Variants in PPARGC1A observed in about 807,000 individuals in gnomAD.
PPARGC1A encodes peroxisome proliferator-activated receptor gamma coactivator 1-alpha.
In PPARGC1A, 25 loss-of-function variants were observed where a neutral mutation model predicts 88.7. The observed-to-expected ratio is 0.28, with a 90% CI of 0.21 to 0.39. The LOEUF is 0.39. Ranked by LOEUF, PPARGC1A falls within the 10% of genes least tolerant of loss-of-function variation. The probability of loss-of-function intolerance (pLI) is 1.00; values close to 1 mark genes in which losing one functional copy is unlikely to be tolerated. For missense variants in PPARGC1A, 880 were observed against 968.7 expected (o/e 0.91, Z 1.22); for synonymous variants, 363 against 355.6 (o/e 1.02, Z -0.24).
intron 2 of PPARGC1A, among the ~76,000 whole-genome samples, chr4:23,844,405 ATAT>A (rs1727632669): frequency 7.9e-6 from 1 of 126,782 alleles, no homozygotes; most frequent in African/African-American, 3.0e-5. Flanking sequence ...ATTATTTATC[ATAT>A]AATAATATAT....
chr4:23,935,947 T>C, the PPARGC1A span, among the ~76,000 whole-genome samples: 1 of 152,154 alleles, frequency 6.6e-6, no homozygotes, highest in South Asian at 2.1e-4. Flanking sequence ...ATACATGTAT[T>C]TTTTTCAAGA....
At chr4:24,159,984 A>G in the PPARGC1A span, among the ~76,000 whole-genome samples, 1 of 152,210 alleles carries the variant, frequency 6.6e-6, no homozygotes, top group East Asian at 1.9e-4. Flanking sequence ...TGACTAGTGG[A>G]ACACTAACAA....
the PPARGC1A span, among the ~76,000 whole-genome samples, chr4:24,217,865 A>G: frequency 6.6e-6 from 1 of 152,174 alleles, no homozygotes; most frequent in African/African-American, 2.4e-5. Flanking sequence ...ATATCAGAAT[A>G]TGGCAATTTA....
chr4:23,925,722 A>G, the PPARGC1A span, among the ~76,000 whole-genome samples: 2 of 152,240 alleles, frequency 1.3e-5, no homozygotes, highest in Admixed American at 6.5e-5. Context: ...GTGAGGAGGT[A>G]TAGCAGAATC....
At chr4:23,876,102 G>A (rs1296668654) in intron 2 of PPARGC1A, 1 of 152,370 alleles carries the variant, frequency 6.6e-6, no homozygotes, top group African/African-American at 2.4e-5. Flanking sequence ...AACACAGATA[G>A]CATAGTTAGT....
the PPARGC1A span, among the ~76,000 whole-genome samples, chr4:24,097,328 C>T: frequency 6.6e-6 from 1 of 152,046 alleles, no homozygotes; most frequent in Admixed American, 6.5e-5. Context: ...GCCAAGGAGT[C>T]CCCAGGCATG....
At chr4:23,962,681 A>G in the PPARGC1A span, among the ~76,000 whole-genome samples, 1 of 152,334 alleles carries the variant, frequency 6.6e-6, no homozygotes, top group South Asian at 2.1e-4. Context: ...TGGTCTGTTG[A>G]GAGCACAGGG....
the PPARGC1A span, among the ~76,000 whole-genome samples, chr4:24,111,876 A>G: frequency 2.6e-5 from 4 of 152,212 alleles, no homozygotes; most frequent in Non-Finnish European, 5.9e-5. Flanking sequence ...CTGAAGAAAC[A>G]TATTTACACT....
the PPARGC1A span, among the ~76,000 whole-genome samples, chr4:24,017,749 T>C: frequency 6.6e-6 from 1 of 152,180 alleles, no homozygotes; most frequent in Non-Finnish European, 1.5e-5. Flanking sequence ...GTGTTAAAGA[T>C]GAATGGGACC....
the PPARGC1A span, among the ~76,000 whole-genome samples, chr4:24,339,212 G>GTGTGTGTGTGTATATA: frequency 1.7e-5 from 1 of 59,046 alleles, no homozygotes; most frequent in Non-Finnish European, 4.2e-5. Flanking sequence ...GTGTGTGTGT[G>GTGTGTGTGTGTATATA]TATATATATA....
chr4:24,427,416 G>T, the PPARGC1A span, among the ~76,000 whole-genome samples: 18 of 152,082 alleles, frequency 1.2e-4, no homozygotes, highest in African/African-American at 4.3e-4. Context: ...AAGTAGGTGG[G>T]ACTACAGGCA....
chr4:24,023,596 T>C, the PPARGC1A span, among the ~76,000 whole-genome samples: 142,172 of 152,236 alleles, frequency 0.93, 66,437 homozygotes, highest in Admixed American at 0.96. Context: ...GGCTTAAGTT[T>C]CATTTCCCTT....
chr4:24,378,331 C>A, the PPARGC1A span, among the ~76,000 whole-genome samples: 1 of 152,184 alleles, frequency 6.6e-6, no homozygotes, highest in African/African-American at 2.4e-5. Flanking sequence ...AGTTAGAATT[C>A]ATCTCAAAAT....
intron 2 of PPARGC1A, among the ~76,000 whole-genome samples, chr4:23,838,565 C>T (rs1349109640): frequency 6.6e-6 from 1 of 152,112 alleles, no homozygotes; most frequent in Non-Finnish European, 1.5e-5. Flanking sequence ...TTATAAAATG[C>T]TTTTTGTCCA....
At chr4:24,290,197 T>C in the PPARGC1A span, among the ~76,000 whole-genome samples, 21 of 152,208 alleles carry the variant, frequency 1.4e-4, no homozygotes, top group East Asian at 3.7e-3. Context: ...CCAAACCATA[T>C]CACCTTCTTT....
At chr4:24,220,694 A>C in the PPARGC1A span, among the ~76,000 whole-genome samples, 1 of 152,216 alleles carries the variant, frequency 6.6e-6, no homozygotes, top group African/African-American at 2.4e-5. Context: ...GGACAGAAAG[A>C]TGAGAACAAT....
the PPARGC1A span, among the ~76,000 whole-genome samples, chr4:23,979,791 T>C: frequency 6.6e-6 from 1 of 152,192 alleles, no homozygotes; most frequent in Non-Finnish European, 1.5e-5. Context: ...AGCCTCAGCA[T>C]GCACCTTTGT....
the PPARGC1A span, among the ~76,000 whole-genome samples, chr4:24,172,815 C>G: frequency 3.9e-5 from 6 of 152,196 alleles, no homozygotes; most frequent in African/African-American, 1.4e-4. Context: ...CCCTTCAATC[C>G]TGAATACACC....
the PPARGC1A span, among the ~76,000 whole-genome samples, chr4:24,224,625 A>G: frequency 6.6e-6 from 1 of 152,228 alleles, no homozygotes; most frequent in African/African-American, 2.4e-5. Flanking sequence ...AGCATTGAAC[A>G]AAACAGACAA....
Sources: gnomAD v4.1 joint callset for allele counts (sites outside exome capture counted in the v4.1 genomes callset) on GRCh38, gnomAD v4.1.1 for gene constraint, MANE v1.5 for transcripts, NCBI Gene and HGNC (gene_info 2026-07-23, HGNC 2026-07-21) for gene names.